Variants in TXNDC15 observed in about 807,000 individuals in gnomAD.
The protein encoded by TXNDC15 is thioredoxin domain containing 15.
TXNDC15 carries 24 observed loss-of-function variants against 35.0 expected under a neutral mutation model. The ratio of observed to expected loss-of-function variants is 0.68; its 90% CI spans 0.50 to 0.96. The LOEUF is 0.96. TXNDC15 is among the 40% of genes least tolerant of loss of function. The probability of loss-of-function intolerance (pLI) is 0.00; values close to 1 mark genes in which losing one functional copy is unlikely to be tolerated. For missense variants in TXNDC15, 385 were observed against 453.3 expected, an observed-to-expected ratio of 0.85 and a Z score of 1.37; for synonymous variants, 169 against 174.0, an observed-to-expected ratio of 0.97 and a Z score of 0.23.
At chr5:134,891,140 G>A (rs550081350) in intron 2 of TXNDC15, among the ~76,000 whole-genome samples, 7 of 152,218 alleles carry the variant, frequency 4.6e-5, no homozygotes, top group South Asian at 4.1e-4. Flanking sequence ...TATTCTAAAC[G>A]CCTATTAATG....
At chr5:134,888,356 C>A (rs189509238) in intron 2 of TXNDC15, among the ~76,000 whole-genome samples, 174 bp downstream of exon 2, 1 of 152,050 alleles carries the variant, frequency 6.6e-6, no homozygotes. Flanking sequence ...TATAGGGAGA[C>A]GAGGAAATAT....
intron 4 of TXNDC15, 56 bp downstream of exon 4, chr5:134,896,480 C>T (rs1003794273): frequency 1.2e-6 from 2 of 1,602,102 alleles, no homozygotes; most frequent in Non-Finnish European, 1.7e-6. Context: ...GGGTCTGTGC[C>T]TTCTGTGGGT....
At chr5:134,895,043 T>C (rs1218885653) in intron 3 of TXNDC15, among the ~76,000 whole-genome samples, 2 of 151,950 alleles carry the variant, frequency 1.3e-5, no homozygotes, top group African/African-American at 2.4e-5. Context: ...CTGAGGATGG[T>C]GGCACATACC....
chr5:134,896,846 T>C (rs62380027), intron 4 of TXNDC15, among the ~76,000 whole-genome samples: 7,882 of 152,144 alleles, frequency 0.052, 258 homozygotes, highest in Middle Eastern at 0.12. Context: ...GGTTTCACCG[T>C]GTTAGCCAGG....
At chr5:134,880,471 C>G (rs1750119996) in intron 1 of TXNDC15, among the ~76,000 whole-genome samples, 2 of 150,582 alleles carry the variant, frequency 1.3e-5, no homozygotes, top group African/African-American at 4.9e-5. Context: ...GAGTCTCGCT[C>G]TGTAGCCCAG....
At position 134,901,184 on chromosome 5, in the gene TXNDC15, T is replaced by A. The variant is rs1031818955; in HGVS notation, c.*1499T>A. 1 of 152,252 alleles carries A rather than the reference T, an allele frequency of 6.6e-6. No homozygotes were observed. Among genetic ancestry groups the A allele is most frequent in the Admixed American group, 6.5e-5 (1 of 15,284 alleles). The allele number at this position is 152,252 out of a possible 1,614,324, so 9.4% of individuals were successfully genotyped here. On this transcript the variant is annotated 3_prime_UTR_variant, in exon 5 of 5. Coordinates refer to ENST00000358387, the MANE Select transcript of TXNDC15 (RefSeq NM_024715.4). ...ATAAATTACTTTTATACTAATTGTT[T>A]CCAGGGTTTTAGAGTAGTTGAATGT...
At chr5:134,874,251 A>G, upstream of TXNDC15, 1 of 570,074 alleles carries the variant, frequency 1.8e-6, no homozygotes, top group Non-Finnish European at 3.0e-6. Flanking sequence ...TCCAGCGCCG[A>G]CGGCCAGCGG....
At position 134,893,616 on chromosome 5, in the gene TXNDC15, C is replaced by T. The variant is rs369937887; in HGVS notation, c.716C>T (p.Ala239Val). The T allele has an allele frequency of 2.0e-5, 32 of 1,614,100 alleles. 1 individual carries two copies. In the East Asian group the frequency reaches 2.2e-4, roughly 11 times the overall value. Residue 239 changes from alanine (A) to valine (V), a missense_variant, in exon 3 of 5, where the codon GCT becomes GTT. Ala to Val is a moderately conservative substitution (Grantham distance 64, BLOSUM62 0). Transcript: ENST00000358387. The stretch of plus-strand genomic sequence containing the variant: ...AACTCTCTGCCCCGGGCATTTCCAG[C>T]TCTTCACTTTTTGGCACTGGATGCA... The part of the protein sequence containing the change: ...HFNSLPRAFP[A>V]LHFLALDASQ...
intron 1 of TXNDC15, among the ~76,000 whole-genome samples, chr5:134,880,373 C>T (rs1173520922): frequency 6.6e-6 from 1 of 151,538 alleles, no homozygotes; most frequent in African/African-American, 2.4e-5. Flanking sequence ...CATGTGGGTT[C>T]GCTGGTAATG....
At chr5:134,884,236 A>AG (rs1321780004) in intron 1 of TXNDC15, among the ~76,000 whole-genome samples, 1 of 148,688 alleles carries the variant, frequency 6.7e-6, no homozygotes, top group Non-Finnish European at 1.5e-5. Context: ...AAAAAAAAAA[A>AG]GGGTACAATT....
In TXNDC15 at chr5:134,900,459, G is replaced by A. The variant is rs1214793866; in HGVS notation, c.*774G>A. ...AGGCCAAGGCGGGAGGATCACTTGA[G>A]GTTAGGACTTTTGAGACCAGCCTGG... On this transcript the variant is annotated 3_prime_UTR_variant, in exon 5 of 5. Coordinates refer to ENST00000358387, the MANE Select transcript of TXNDC15 (RefSeq NM_024715.4). 6.6e-6 allele frequency: 1 copy of A among 152,190 alleles called. No individual in the cohort carries two copies. The highest frequency in any genetic ancestry group is 1.5e-5 in the Non-Finnish European group (1 of 68,042). 9.4% of individuals were successfully genotyped at this position (152,190 alleles called of 1,614,324 possible). A position where few individuals can be genotyped will look rare whatever the true frequency, so the allele number is the denominator to read the frequency against.
chr5:134,899,595 C>T lies in TXNDC15; in HGVS notation c.993C>T (p.Phe331=), dbSNP rs756241769. The T allele has an allele frequency of 1.9e-6, 3 of 1,613,706 alleles. No homozygotes were observed. The highest frequency in any genetic ancestry group is 2.5e-6 in the Non-Finnish European group (3 of 1,179,944). ...ACTGGTTGCTTGTATTTTCCTTATTCTTTTTAATTAGTTTTATTATGTATG... is the reference window on the plus strand; with the variant it reads ...ACTGGTTGCTTGTATTTTCCTTATTTTTTTTAATTAGTTTTATTATGTATG... ...SVDWLLVFSL[F]FLISFIMYAT... Residue 331 remains phenylalanine (F), a synonymous_variant, in exon 5 of 5, where the codon TTC becomes TTT. Coordinates refer to ENST00000358387, the MANE Select transcript of TXNDC15 (RefSeq NM_024715.4).
rs1750432501 is a variant in TXNDC15 at position 134,893,595 on chromosome 5, C to T, written c.695C>T (p.Ser232Phe). 3 of 1,614,236 alleles carry T rather than the reference C, an allele frequency of 1.9e-6. No homozygotes were observed. The highest frequency in any genetic ancestry group is 2.5e-6 in the Non-Finnish European group (3 of 1,180,050). ...GCCAGTTTGGCCCCTCACTTTAACT[C>T]TCTGCCCCGGGCATTTCCAGCTCTT... Reference protein sequence around the residue: ...FSASLAPHFNSLPRAFPALHF... With the variant: ...FSASLAPHFNFLPRAFPALHF... The change falls in exon 3 of 5, where the codon TCT becomes TTT. Residue 232 changes from serine (S) to phenylalanine (F), a missense_variant. Ser to Phe is a radical substitution (Grantham distance 155, BLOSUM62 -2). Transcript: ENST00000358387.
chr5:134,886,939 A>G (rs1302571472), intron 1 of TXNDC15, among the ~76,000 whole-genome samples: 1 of 152,246 alleles, frequency 6.6e-6, no homozygotes, highest in Non-Finnish European at 1.5e-5. Flanking sequence ...CCCATCTCAC[A>G]GGACTGTTAT....
At chr5:134,887,080 A>G (rs2150187229) in intron 1 of TXNDC15, among the ~76,000 whole-genome samples, 1 of 152,394 alleles carries the variant, frequency 6.6e-6, no homozygotes, top group African/African-American at 2.4e-5. Context: ...CTAATGAGAT[A>G]TCTGAACTGG....
chr5:134,882,058 T>A (rs1750161625), intron 1 of TXNDC15, among the ~76,000 whole-genome samples: 1 of 143,828 alleles, frequency 7.0e-6, no homozygotes, highest in South Asian at 2.3e-4. Flanking sequence ...ACGGGGTGGC[T>A]GCTGGGCGGA....
intron 1 of TXNDC15, among the ~76,000 whole-genome samples, chr5:134,882,918 A>G (rs905144843): frequency 3.3e-5 from 5 of 152,144 alleles, no homozygotes; most frequent in Admixed American, 6.5e-5. Context: ...TTTCTTCCGT[A>G]TTGTCTACTT....
At chr5:134,890,260 C>T (rs1750361526) in intron 2 of TXNDC15, among the ~76,000 whole-genome samples, 1 of 151,868 alleles carries the variant, frequency 6.6e-6, no homozygotes, top group African/African-American at 2.4e-5. Flanking sequence ...GTCTCAAACT[C>T]CTGGGCTCAA....
chr5:134,896,737 G>A lies in TXNDC15; in HGVS notation c.886+313G>A, dbSNP rs7716326. ...TGGCTCACTGCAACCTCCACCTCCC[G>A]GGTTCACGCCATTCTCCTGCCTCAG... On this transcript the variant is annotated intron_variant, in intron 4 of 4. Coordinates refer to ENST00000358387, the MANE Select transcript of TXNDC15 (RefSeq NM_024715.4). Among the ~76,000 whole-genome samples, 1,220 of 145,552 alleles carry A rather than the reference G, an allele frequency of 8.4e-3. 8 individuals carry two copies. The highest frequency in any genetic ancestry group is 0.04 in the Middle Eastern group (11 of 274).
Sources: gnomAD v4.1 joint callset for allele counts (sites outside exome capture counted in the v4.1 genomes callset) on GRCh38, gnomAD v4.1.1 for gene constraint, MANE v1.5 for transcripts, NCBI Gene and HGNC (gene_info 2026-07-23, HGNC 2026-07-21) for gene names.